NETO1: variants seen among roughly 807,000 people sequenced by gnomAD.
NETO1 encodes neuropilin and tolloid-like protein 1.
A neutral mutation model predicts 61.3 loss-of-function variants in NETO1; 26 were observed. The ratio of observed to expected loss-of-function variants is 0.42; its 90% CI spans 0.31 to 0.59. The LOEUF (loss-of-function observed/expected upper bound fraction) is 0.59, where lower values mean the gene tolerates loss of function less well. Ranked by LOEUF, NETO1 falls within the 20% of genes least tolerant of loss-of-function variation. The pLI is 0.12. For missense variants in NETO1, 531 were observed against 662.8 expected, an observed-to-expected ratio of 0.80 and a Z score of 2.18; for synonymous variants, 225 against 225.8, an observed-to-expected ratio of 1.00 and a Z score of 0.03.
At chr18:72,767,283 A>G (rs2071199111) in intron 7 of NETO1, among the ~76,000 whole-genome samples, 1 of 152,204 alleles carries the variant, frequency 6.6e-6, no homozygotes, top group African/African-American at 2.4e-5. Context: ...TCAGGGGCAG[A>G]CATAAACCAC....
At chr18:72,850,168 T>C (rs1257773657) in intron 4 of NETO1, among the ~76,000 whole-genome samples, 1 of 152,258 alleles carries the variant, frequency 6.6e-6, no homozygotes, top group Admixed American at 6.5e-5. Context: ...CTGGCTACTA[T>C]ACATGGCTTC....
In NETO1 at chr18:72,804,582, A is replaced by G. The variant is rs372351107; in HGVS notation, c.470-10178T>C. Among the ~76,000 whole-genome samples, 129 of 152,316 alleles carry G rather than the reference A, an allele frequency of 8.5e-4. 1 individual carries two copies. The highest frequency in any genetic ancestry group is 2.8e-3 in the African/African-American group (117 of 41,566). On this transcript the variant is annotated intron_variant, in intron 4 of 10. Transcript: ENST00000327305. The stretch of plus-strand genomic sequence containing the variant: ...TCTAGAACATTGAACCAATCATTCC[A>G]TATTTCTGAGTCTTATTTTCCTTAA...
At position 72,745,762 on chromosome 18, in the gene NETO1, G is replaced by C. The variant is rs182729308; in HGVS notation, c.*2417C>G. 2.0e-5 allele frequency: 3 copies of C among 152,144 alleles called. No individual in the cohort carries two copies. The highest frequency in any genetic ancestry group is 4.4e-5 in the Non-Finnish European group (3 of 68,024). The allele number at this position is 152,144 out of a possible 1,614,324, so 9.4% of individuals were successfully genotyped here. ...GAACATCTCCCAACTCTGCCAGAGCGCTGCACTCCCAAGTTTGAGCATCTA... is the reference window on the plus strand; with the variant it reads ...GAACATCTCCCAACTCTGCCAGAGCCCTGCACTCCCAAGTTTGAGCATCTA... On this transcript the variant is annotated 3_prime_UTR_variant, in exon 11 of 11. Transcript: ENST00000327305.
At chr18:72,742,842 C>G (rs2070363842), downstream of NETO1, 1 of 152,144 alleles carries the variant, frequency 6.6e-6, no homozygotes, top group South Asian at 2.1e-4. Flanking sequence ...AAAAAAATTA[C>G]ATGTAAAACA....
intron 4 of NETO1, among the ~76,000 whole-genome samples, chr18:72,798,214 T>C (rs2145302017): frequency 2.0e-5 from 3 of 152,166 alleles, no homozygotes; most frequent in Middle Eastern, 6.8e-3. Context: ...CCACCTGAGC[T>C]CCTCCTCCTG....
At chr18:72,803,758 T>C (rs2072584188) in intron 4 of NETO1, among the ~76,000 whole-genome samples, 1 of 150,528 alleles carries the variant, frequency 6.6e-6, no homozygotes, top group African/African-American at 2.4e-5. Flanking sequence ...GAGGTTGAGG[T>C]TGCAGTCAGC....
chr18:72,829,310 C>T (rs1047495875), intron 4 of NETO1, among the ~76,000 whole-genome samples: 6 of 152,088 alleles, frequency 3.9e-5, no homozygotes, highest in African/African-American at 1.2e-4. Flanking sequence ...TTTCCTCAAG[C>T]TGATCTATAG....
intron 4 of NETO1, among the ~76,000 whole-genome samples, chr18:72,822,493 AGG>A (rs2073232171): frequency 6.6e-6 from 1 of 152,220 alleles, no homozygotes; most frequent in Non-Finnish European, 1.5e-5. Context: ...AGCCATTTGC[AGG>A]GGCAGTTTCA....
At chr18:72,796,108 G>T (rs1357653525) in intron 4 of NETO1, among the ~76,000 whole-genome samples, 1 of 152,140 alleles carries the variant, frequency 6.6e-6, no homozygotes, top group Non-Finnish European at 1.5e-5. Context: ...AACAATTCAG[G>T]ACTGCAATAT....
intron 4 of NETO1, among the ~76,000 whole-genome samples, chr18:72,820,144 A>G (rs2073145644): frequency 1.3e-5 from 2 of 152,230 alleles, no homozygotes; most frequent in Non-Finnish European, 2.9e-5. Flanking sequence ...AAATTTTAAA[A>G]TGGTCTTTTG....
intron 3 of NETO1, among the ~76,000 whole-genome samples, chr18:72,862,472 T>C (rs2074602536): frequency 6.6e-6 from 1 of 152,156 alleles, no homozygotes; most frequent in Admixed American, 6.5e-5. Context: ...ACATTATTTT[T>C]CCTTTAAACC....
intron 6 of NETO1, among the ~76,000 whole-genome samples, chr18:72,785,438 T>C (rs2071880724): frequency 6.6e-6 from 1 of 152,214 alleles, no homozygotes; most frequent in African/African-American, 2.4e-5. Flanking sequence ...GCCTGGATAG[T>C]TGCAAAGTAC....
chr18:72,766,006 A>C (rs1255658514), intron 7 of NETO1, among the ~76,000 whole-genome samples: 1 of 152,118 alleles, frequency 6.6e-6, no homozygotes, highest in Non-Finnish European at 1.5e-5. Context: ...CAGGAGTTCA[A>C]GACCAGCTCG....
At chr18:72,845,047 C>G (rs2074044214) in intron 4 of NETO1, among the ~76,000 whole-genome samples, 1 of 152,218 alleles carries the variant, frequency 6.6e-6, no homozygotes, top group African/African-American at 2.4e-5. Flanking sequence ...ACTGTAAGCT[C>G]AAGAGCAGAT....
At chr18:72,801,558 G>C (rs2072508498) in intron 4 of NETO1, among the ~76,000 whole-genome samples, 1 of 152,040 alleles carries the variant, frequency 6.6e-6, no homozygotes, top group Non-Finnish European at 1.5e-5. Flanking sequence ...AGCTTAGTTT[G>C]TTCTCCGTGA....
chr18:72,806,661 C>A (rs899032429), intron 4 of NETO1, among the ~76,000 whole-genome samples: 2 of 152,188 alleles, frequency 1.3e-5, no homozygotes, highest in African/African-American at 2.4e-5. Flanking sequence ...CAAGTCCCTT[C>A]TTAGCTAATA....
chr18:72,859,322 C>T (rs762590966), intron 3 of NETO1, among the ~76,000 whole-genome samples: 3 of 152,108 alleles, frequency 2.0e-5, no homozygotes, highest in Non-Finnish European at 4.4e-5. Flanking sequence ...ACCATTTTGA[C>T]GTTTTGCGCA....
intron 4 of NETO1, among the ~76,000 whole-genome samples, chr18:72,795,346 C>T (rs557951187): frequency 6.6e-6 from 1 of 152,232 alleles, no homozygotes; most frequent in East Asian, 1.9e-4. Flanking sequence ...TGGAATCATG[C>T]GTTAGCCAAC....
intron 7 of NETO1, among the ~76,000 whole-genome samples, chr18:72,764,319 C>T (rs903308979): frequency 1.3e-5 from 2 of 152,184 alleles, no homozygotes; most frequent in Non-Finnish European, 2.9e-5. Context: ...AAGCTTAACA[C>T]TTACATGAAT....
Sources: gnomAD v4.1 joint callset for allele counts (sites outside exome capture counted in the v4.1 genomes callset) on GRCh38, gnomAD v4.1.1 for gene constraint, MANE v1.5 for transcripts, NCBI Gene and HGNC (gene_info 2026-07-23, HGNC 2026-07-21) for gene names.